GRID1: variants seen among roughly 807,000 people sequenced by gnomAD.
GRID1 encodes glutamate receptor ionotropic, delta-1.
GRID1 carries 28 observed loss-of-function variants against 98.0 expected under a neutral mutation model. That is an observed-to-expected ratio of 0.29 (90% confidence interval 0.21 to 0.39). GRID1 has a LOEUF of 0.39. Among genes scored for constraint, GRID1 ranks in the 10% least tolerant of loss-of-function variants. The pLI is 1.00. For synonymous variants in GRID1, 553 were observed against 538.5 expected (o/e 1.03, Z -0.37); for missense variants, 1,111 against 1,340.5 (o/e 0.83, Z 2.67).
chr10:85,602,773 A>T (rs1842599516), intron 15 of GRID1, 72 bp from the exon 16 acceptor site: 7 of 1,143,594 alleles, frequency 6.1e-6, no homozygotes, highest in Non-Finnish European at 8.8e-6. Flanking sequence ...ACAGCTCTGG[A>T]TGTCTGTAGT....
chr10:85,978,154 T>G (rs1842497751), intron 4 of GRID1, among the ~76,000 whole-genome samples: 1 of 152,258 alleles, frequency 6.6e-6, no homozygotes, highest in South Asian at 2.1e-4. Flanking sequence ...TTCCAGTCCA[T>G]GCAGCGTCTT....
Position 86,025,724 on chromosome 10 carries a change from A to G in GRID1, c.727-109485T>C, listed in dbSNP as rs144524433. Reference sequence around the variant, plus strand: ...CTGATATCTGTGCCCTGCACTGTGTATACAAGCGGATATCATGCAGCTCAG... The same window carrying G: ...CTGATATCTGTGCCCTGCACTGTGTGTACAAGCGGATATCATGCAGCTCAG... On this transcript the variant is annotated intron_variant, in intron 4 of 15. Transcript: ENST00000327946. Among the ~76,000 whole-genome samples, 7 of 152,332 alleles carry G rather than the reference A, an allele frequency of 4.6e-5. No individual in the cohort carries two copies. In the East Asian group the frequency reaches 1.2e-3, roughly 25 times the overall value.
chr10:85,773,463 G>A (rs1313297050), intron 8 of GRID1, among the ~76,000 whole-genome samples: 6 of 152,168 alleles, frequency 3.9e-5, no homozygotes, highest in Non-Finnish European at 8.8e-5. Context: ...AGTGTTGGAA[G>A]TTCTGGCCAG....
chr10:86,024,881 A>G (rs1045836483), intron 4 of GRID1, among the ~76,000 whole-genome samples: 1 of 152,086 alleles, frequency 6.6e-6, no homozygotes, highest in Non-Finnish European at 1.5e-5. Context: ...AACAGGGAAA[A>G]CATCCACAGA....
intron 2 of GRID1, among the ~76,000 whole-genome samples, chr10:86,287,269 T>C (rs947415870): frequency 6.6e-6 from 1 of 152,178 alleles, no homozygotes; most frequent in Non-Finnish European, 1.5e-5. Flanking sequence ...CCTGTATCCC[T>C]GAGGGACTGG....
chr10:86,096,733 T>C (rs1844226314), intron 4 of GRID1, among the ~76,000 whole-genome samples: 1 of 152,226 alleles, frequency 6.6e-6, no homozygotes, highest in Admixed American at 6.5e-5. Context: ...GACAGAATGA[T>C]GGGATAGCCT....
intron 2 of GRID1, among the ~76,000 whole-genome samples, chr10:86,312,632 G>A (rs1847846531): frequency 6.6e-6 from 1 of 152,212 alleles, no homozygotes; most frequent in South Asian, 2.1e-4. Context: ...CTGCGACTTG[G>A]GCAAGATGTT....
intron 4 of GRID1, among the ~76,000 whole-genome samples, chr10:85,965,724 A>G (rs781189315): frequency 1.8e-4 from 27 of 152,128 alleles, no homozygotes; most frequent in Non-Finnish European, 3.4e-4. Context: ...ACAATGGTAC[A>G]TGTATACCTA....
At chr10:85,672,114 T>G (rs1841092796) in intron 12 of GRID1, among the ~76,000 whole-genome samples, 1 of 152,236 alleles carries the variant, frequency 6.6e-6, no homozygotes, top group African/African-American at 2.4e-5. Context: ...ATCATTGATA[T>G]AAGTGGCTAT....
At chr10:85,634,922 C>T (rs1699447313) in intron 13 of GRID1, among the ~76,000 whole-genome samples, 1 of 142,868 alleles carries the variant, frequency 7.0e-6, no homozygotes. Flanking sequence ...ATGGAATCAG[C>T]CCACATTTAC....
intron 12 of GRID1, among the ~76,000 whole-genome samples, chr10:85,705,757 C>A (rs1226973097): frequency 3.3e-5 from 5 of 152,146 alleles, no homozygotes; most frequent in African/African-American, 1.2e-4. Flanking sequence ...AGCTTACCCA[C>A]CATGAGCCAC....
chr10:85,768,703 T>G (rs1842222505), intron 8 of GRID1, among the ~76,000 whole-genome samples: 1 of 152,222 alleles, frequency 6.6e-6, no homozygotes, highest in Non-Finnish European at 1.5e-5. Context: ...ATTTTTCACC[T>G]AACAGGTTGG....
At position 86,045,633 on chromosome 10, in the gene GRID1, G is replaced by A. The variant is rs139306627; in HGVS notation, c.726+93186C>T. Among the ~76,000 whole-genome samples the A allele has an allele frequency of 3.3e-5, 5 of 150,678 alleles. No individual in the cohort carries two copies. In the East Asian group the frequency reaches 9.7e-4, roughly 29 times the overall value. ...AAGCAAAAGAGATGGAGAGAGAGTG[G>A]GGAGAGAGAGTGAGAGAGTGAGATG... On this transcript the variant is annotated intron_variant, in intron 4 of 15. Coordinates refer to ENST00000327946, the MANE Select transcript of GRID1 (RefSeq NM_017551.3).
chr10:85,934,618 T>C (rs1267888389), intron 4 of GRID1, among the ~76,000 whole-genome samples: 8 of 152,190 alleles, frequency 5.3e-5, no homozygotes, highest in Non-Finnish European at 2.9e-5. Flanking sequence ...TCACTTTCAG[T>C]ACAAATATGA....
intron 4 of GRID1, among the ~76,000 whole-genome samples, chr10:85,930,362 T>G (rs1345581227): frequency 2.0e-5 from 3 of 150,558 alleles, no homozygotes; most frequent in Non-Finnish European, 4.4e-5. Context: ...CAAAATTGTT[T>G]TATTTATATT....
At chr10:85,604,841 G>A (rs1210688604) in intron 15 of GRID1, among the ~76,000 whole-genome samples, 4 of 152,120 alleles carry the variant, frequency 2.6e-5, no homozygotes, top group South Asian at 2.1e-4. Context: ...GTGGCTTAGC[G>A]CCACTCAGCA....
chr10:86,280,976 C>T (rs1165585564), intron 2 of GRID1, among the ~76,000 whole-genome samples: 1 of 152,230 alleles, frequency 6.6e-6, no homozygotes, highest in Non-Finnish European at 1.5e-5. Context: ...CTGATTCTAC[C>T]AACCATGGGG....
At chr10:85,951,010 G>T (rs1397918074) in intron 4 of GRID1, among the ~76,000 whole-genome samples, 3 of 151,844 alleles carry the variant, frequency 2.0e-5, no homozygotes, top group African/African-American at 4.8e-5. Flanking sequence ...TTGGGAAATG[G>T]CCCCTGCAGG....
chr10:86,132,889 G>A (rs1442082508), intron 4 of GRID1, among the ~76,000 whole-genome samples: 1 of 152,242 alleles, frequency 6.6e-6, no homozygotes, highest in Non-Finnish European at 1.5e-5. Context: ...TGGGAGAGGT[G>A]TTGGGAGTGG....
Sources: allele counts gnomAD v4.1 joint callset (sites outside exome capture counted in the v4.1 genomes callset), GRCh38; gene constraint gnomAD v4.1.1; transcripts MANE v1.5; gene names NCBI Gene and HGNC (gene_info 2026-07-23, HGNC 2026-07-21).